KCNG3: variants seen among roughly 807,000 people sequenced by gnomAD.
The protein encoded by KCNG3 is potassium voltage-gated channel modifier subfamily G member 3.
KCNG3 carries 15 observed loss-of-function variants against 29.0 expected under a neutral mutation model. That is an observed-to-expected ratio of 0.52 (90% CI 0.35 to 0.80). The LOEUF (loss-of-function observed/expected upper bound fraction) is 0.80. KCNG3 is among the 30% of genes least tolerant of loss of function. The pLI, the probability that KCNG3 is intolerant of heterozygous loss-of-function variation, is 0.01. For synonymous variants in KCNG3, 322 were observed against 248.9 expected, an observed-to-expected ratio of 1.29 and a Z score of -2.76; for missense variants, 512 against 605.7, an observed-to-expected ratio of 0.85 and a Z score of 1.62.
chr2:42,452,436 G>C (rs1400207321), intron 1 of KCNG3, among the ~76,000 whole-genome samples: 8 of 151,356 alleles, frequency 5.3e-5, no homozygotes, highest in African/African-American at 1.9e-4. Flanking sequence ...TAGTCACCCT[G>C]TTGTGCTAGC....
At chr2:42,467,488 T>A (rs1673170028) in intron 1 of KCNG3, among the ~76,000 whole-genome samples, 1 of 141,460 alleles carries the variant, frequency 7.1e-6, no homozygotes, top group South Asian at 2.3e-4. Context: ...GCCAACATGG[T>A]GAAAACCCAT....
chr2:42,477,220 G>A (rs1419860014), intron 1 of KCNG3, among the ~76,000 whole-genome samples: 1 of 148,554 alleles, frequency 6.7e-6, no homozygotes, highest in African/African-American at 2.5e-5. Context: ...AAAAAGTACT[G>A]ATTAAAAAAA....
intron 1 of KCNG3, among the ~76,000 whole-genome samples, chr2:42,481,072 C>T (rs552574606): frequency 2.5e-4 from 38 of 152,300 alleles, no homozygotes; most frequent in Non-Finnish European, 5.3e-4. Context: ...TGAGCCACTG[C>T]GCCTGGCCAA....
the KCNG3 span, among the ~76,000 whole-genome samples, chr2:42,408,115 T>C: frequency 6.6e-6 from 1 of 152,176 alleles, no homozygotes. Flanking sequence ...TGGGTGCCTA[T>C]GAGCATGGGT....
chr2:42,481,432 T>C (rs1057325855), intron 1 of KCNG3, among the ~76,000 whole-genome samples: 2 of 152,130 alleles, frequency 1.3e-5, no homozygotes, highest in Non-Finnish European at 2.9e-5. Context: ...CCTGCATCTC[T>C]TACTGAGGTT....
At position 42,444,336 on chromosome 2, in the gene KCNG3, G is replaced by T. The variant is rs918036278; in HGVS notation, c.909C>A (p.Ala303=). 2 of 1,614,130 alleles carry T rather than the reference G, an allele frequency of 1.2e-6. No individual in the cohort carries two copies. The highest frequency in any genetic ancestry group is 1.7e-6 in the Non-Finnish European group (2 of 1,180,020). The change falls in exon 2 of 2, where the codon GCC becomes GCA. Residue 303 remains alanine (A), a synonymous_variant. Coordinates refer to ENST00000306078, the MANE Select transcript of KCNG3 (RefSeq NM_133329.6). The surrounding 1 kb of genome is among the most constrained non-coding windows in gnomAD (Gnocchi z 5.8). ...GTGTCTGAAGACCAATGAAGTGACG[G>T]GCAAGCTTAATCACCCAAAAAATCC... ...MMRIFWVIKL[A]RHFIGLQTLG... is the part of the protein sequence containing the mutation.
chr2:42,464,006 T>C, intron 1 of KCNG3: 1 of 258,036 alleles, frequency 3.9e-6, no homozygotes, highest in South Asian at 3.9e-5. Context: ...ATCTTCTGCT[T>C]AGAGGCGGTG....
chr2:42,449,085 A>G (rs556193904), intron 1 of KCNG3, among the ~76,000 whole-genome samples: 1 of 152,198 alleles, frequency 6.6e-6, no homozygotes, highest in Non-Finnish European at 1.5e-5. Flanking sequence ...AGATTTTGGT[A>G]TATGTGGGGG....
the KCNG3 span, among the ~76,000 whole-genome samples, chr2:42,403,477 G>GTTTTTTTTTTTTTTTTT: frequency 1.1e-5 from 1 of 87,762 alleles, no homozygotes; most frequent in Non-Finnish European, 2.2e-5. Flanking sequence ...TTTCTTTTCT[G>GTTTTTTTTTTTTTTTTT]TTTTTTTTTT....
chr2:42,389,503 C>T, the KCNG3 span, among the ~76,000 whole-genome samples: 1 of 152,138 alleles, frequency 6.6e-6, no homozygotes, highest in Non-Finnish European at 1.5e-5. Context: ...AACATTTGGA[C>T]CCATTTATGC....
the KCNG3 span, among the ~76,000 whole-genome samples, chr2:42,411,557 A>G: frequency 1.3e-5 from 2 of 152,104 alleles, no homozygotes. Flanking sequence ...ATCTCAGCTC[A>G]TTGCAACCTC....
Position 42,443,769 on chromosome 2 carries a change from C to T in KCNG3, c.*165G>A. On this transcript the variant is annotated 3_prime_UTR_variant, in exon 2 of 2. Transcript: ENST00000306078. ...CTTTGCAGTCTCAATTCTATTTACTCCATAACAAGTAAACTGTTTTATCCC... is the reference window on the plus strand; with the variant it reads ...CTTTGCAGTCTCAATTCTATTTACTTCATAACAAGTAAACTGTTTTATCCC... 1.6e-6 allele frequency: 1 copy of T among 622,968 alleles called. No individual in the cohort carries two copies. Among genetic ancestry groups the T allele is most frequent in the East Asian group, 2.8e-5 (1 of 35,756 alleles). The allele number at this position is 622,968 out of a possible 1,614,324, so 38.6% of individuals were successfully genotyped here. A position where few individuals can be genotyped will look rare whatever the true frequency, so the allele number is the denominator to read the frequency against.
intron 1 of KCNG3, among the ~76,000 whole-genome samples, chr2:42,446,333 C>T (rs1420900262): frequency 6.6e-6 from 1 of 151,794 alleles, no homozygotes; most frequent in African/African-American, 2.4e-5. Flanking sequence ...CGCGCGATCA[C>T]GCCTGGCTAA....
At chr2:42,488,196 T>A (rs1414272414) in intron 1 of KCNG3, among the ~76,000 whole-genome samples, 2 of 152,162 alleles carry the variant, frequency 1.3e-5, no homozygotes, top group Non-Finnish European at 2.9e-5. Flanking sequence ...ACAAATCAAT[T>A]TAAAAGGATT....
intron 1 of KCNG3, among the ~76,000 whole-genome samples, chr2:42,489,042 C>T (rs1046154520): frequency 1.3e-5 from 2 of 151,552 alleles, no homozygotes; most frequent in Non-Finnish European, 2.9e-5. Context: ...CACCTGTAAT[C>T]CCAATACTTT....
At chr2:42,425,336 C>G in the KCNG3 span, among the ~76,000 whole-genome samples, 1 of 146,908 alleles carries the variant, frequency 6.8e-6, no homozygotes, top group African/African-American at 2.5e-5. Context: ...GAGACAGAGG[C>G]TGCAGTGAAC....
intron 1 of KCNG3, among the ~76,000 whole-genome samples, chr2:42,451,365 C>T (rs1172214507): frequency 1.3e-5 from 2 of 151,658 alleles, no homozygotes; most frequent in Non-Finnish European, 2.9e-5. Context: ...ACTGCTTGAG[C>T]CCAGGAGTAC....
the KCNG3 span, among the ~76,000 whole-genome samples, chr2:42,435,750 T>C: frequency 6.6e-6 from 1 of 151,666 alleles, no homozygotes; most frequent in Non-Finnish European, 1.5e-5. Context: ...ATGACAAGAG[T>C]TGGGGAGGAT....
chr2:42,440,221 C>G (rs1379455120), downstream of KCNG3, among the ~76,000 whole-genome samples: 1 of 152,116 alleles, frequency 6.6e-6, no homozygotes, highest in South Asian at 2.1e-4. Flanking sequence ...AATGATTAGA[C>G]TATGTCTGAT....
Sources: allele counts gnomAD v4.1 joint callset (sites outside exome capture counted in the v4.1 genomes callset), GRCh38; gene constraint gnomAD v4.1.1; non-coding constraint Gnocchi (gnomAD v3.1); transcripts MANE v1.5; gene names NCBI Gene and HGNC (gene_info 2026-07-23, HGNC 2026-07-21).